GALNT18: variants seen among roughly 807,000 people sequenced by gnomAD.
GALNT18 encodes GalNAc-transferase 18.
Under a neutral mutation model 69.5 loss-of-function variants are expected in GALNT18, and 44 were observed. The ratio of observed to expected loss-of-function variants is 0.63; its 90% CI spans 0.50 to 0.81. The LOEUF (loss-of-function observed/expected upper bound fraction) is 0.81, where lower values mean the gene tolerates loss of function less well. GALNT18 is among the 40% of genes least tolerant of loss of function. GALNT18 has a pLI of 0.00. For missense variants in GALNT18, 715 were observed against 810.0 expected, an observed-to-expected ratio of 0.88 and a Z score of 1.42; for synonymous variants, 364 against 318.2, an observed-to-expected ratio of 1.14 and a Z score of -1.53.
intron 1 of GALNT18, among the ~76,000 whole-genome samples, chr11:11,507,637 C>T (rs149529044): frequency 3.3e-4 from 50 of 152,294 alleles, no homozygotes; most frequent in African/African-American, 1.1e-3. Flanking sequence ...TATTCCCTTT[C>T]TATAGGAGTA....
intron 1 of GALNT18, among the ~76,000 whole-genome samples, chr11:11,450,972 G>A (rs919140653): frequency 2.0e-5 from 3 of 152,104 alleles, no homozygotes; most frequent in Admixed American, 1.3e-4. Flanking sequence ...GCTAAAGTAC[G>A]TGAAGTACAA....
rs570652009 is a variant in GALNT18, at chr11:11,316,903, G to A, written c.1512+10183C>T. Among the ~76,000 whole-genome samples the A allele has an allele frequency of 2.0e-5, 3 of 152,306 alleles. No homozygotes were observed. In the South Asian group the frequency reaches 6.2e-4, roughly 32 times the overall value. On this transcript the variant is annotated intron_variant, in intron 9 of 10. Transcript: ENST00000227756. The stretch of plus-strand genomic sequence containing the variant: ...CCAGGGCAGGGACTTGGGCAAAGCT[G>A]CCTTTTTGTCTTGTAATGCTTGACG...
At chr11:11,394,833 C>T (rs148154757) in intron 3 of GALNT18, among the ~76,000 whole-genome samples, 1,861 of 152,296 alleles carry the variant, frequency 0.012, 119 homozygotes, top group Admixed American at 0.11. Flanking sequence ...TCCCTGGCAC[C>T]GTAATGGGTT....
At position 11,590,340 on chromosome 11, in the gene GALNT18, C is replaced by T. The variant is rs1458317952; in HGVS notation, c.235+31019G>A. ...ACGCAGAAAGCGACAGGGCCCAAGCCTATGTCCTTGGATGGAAGGAAGGCT... is the reference window on the plus strand; with the variant it reads ...ACGCAGAAAGCGACAGGGCCCAAGCTTATGTCCTTGGATGGAAGGAAGGCT... On this transcript the variant is annotated intron_variant, in intron 1 of 10. Coordinates refer to ENST00000227756, the MANE Select transcript of GALNT18 (RefSeq NM_198516.3). The surrounding 1 kb of genome is among the most constrained non-coding windows in gnomAD (Gnocchi z 4.4). 1.3e-5 allele frequency among the ~76,000 whole-genome samples: 2 copies of T among 152,360 alleles called. No homozygotes were observed. Among genetic ancestry groups the T allele is most frequent in the East Asian group, 3.9e-4 (2 of 5,180 alleles).
In GALNT18 at chr11:11,494,870, A is replaced by G. The variant is rs887318423; in HGVS notation, c.236-45934T>C. On this transcript the variant is annotated intron_variant, in intron 1 of 10. Transcript: ENST00000227756. This position sits in a 1 kb window ranked among gnomAD's most constrained non-coding sequence, Gnocchi z 5.7. ...ACAACTCCAACCATGATCATCTGGG[A>G]GTGTTGCAAATCAGATGCCAAATTC... Among the ~76,000 whole-genome samples the G allele has an allele frequency of 6.6e-6, 1 of 152,174 alleles. No homozygotes were observed. The highest frequency in any genetic ancestry group is 1.9e-4 in the East Asian group (1 of 5,192).
intron 1 of GALNT18, among the ~76,000 whole-genome samples, chr11:11,551,591 T>C (rs1257412001): frequency 6.6e-6 from 1 of 152,078 alleles, no homozygotes; most frequent in African/African-American, 2.4e-5. Context: ...CAAAGCAGGG[T>C]GAAGGCTTTG....
In GALNT18 at chr11:11,505,620, C is replaced by T. The variant is rs4910365; in HGVS notation, c.236-56684G>A. 0.13 allele frequency among the ~76,000 whole-genome samples: 19,349 copies of T among 152,132 alleles called. 1,403 individuals are homozygous for T. Among genetic ancestry groups the T allele is most frequent in the Admixed American group, 0.22 (3,314 of 15,282 alleles). The stretch of plus-strand genomic sequence containing the variant: ...TCATCTGGATTCAGTCTCCGACATC[C>T]CAATGAAAGCATTCTCACTAAGATT... On this transcript the variant is annotated intron_variant, in intron 1 of 10. Transcript: ENST00000227756. The surrounding 1 kb of genome is among the most constrained non-coding windows in gnomAD (Gnocchi z 4.6).
At chr11:11,321,841 G>A (rs113514323) in intron 9 of GALNT18, among the ~76,000 whole-genome samples, 3,933 of 152,304 alleles carry the variant, frequency 0.026, 178 homozygotes, top group African/African-American at 0.089. Flanking sequence ...CTGACCTCAG[G>A]TGAACTGCCT....
Position 11,383,704 on chromosome 11 carries a change from A to C in GALNT18, c.596-4440T>G, listed in dbSNP as rs1464336625. Among the ~76,000 whole-genome samples the C allele has an allele frequency of 1.3e-5, 2 of 152,180 alleles. No homozygotes were observed. The highest frequency in any genetic ancestry group is 2.1e-4 in the South Asian group (1 of 4,820). Reference sequence around the variant, plus strand: ...TGTCCCCACCCAAATCTCATCTTGAATTGTAATCCCCATGTGTTAAGGTGA... The same window carrying C: ...TGTCCCCACCCAAATCTCATCTTGACTTGTAATCCCCATGTGTTAAGGTGA... On this transcript the variant is annotated intron_variant, in intron 3 of 10. Coordinates refer to ENST00000227756, the MANE Select transcript of GALNT18 (RefSeq NM_198516.3). This position sits in a 1 kb window ranked among gnomAD's most constrained non-coding sequence, Gnocchi z 5.2.
At chr11:11,609,540 A>G (rs572023822) in intron 1 of GALNT18, among the ~76,000 whole-genome samples, 11 of 152,326 alleles carry the variant, frequency 7.2e-5, no homozygotes, top group African/African-American at 2.6e-4. Flanking sequence ...ACAGGTGCTC[A>G]ATAAACGCTT....
intron 1 of GALNT18, among the ~76,000 whole-genome samples, chr11:11,571,262 T>C (rs534356855): frequency 2.1e-4 from 32 of 152,332 alleles, no homozygotes; most frequent in African/African-American, 7.5e-4. Context: ...GCTGTGTGTA[T>C]AGCTACCTTC....
At chr11:11,528,785 C>T (rs1857576020) in intron 1 of GALNT18, among the ~76,000 whole-genome samples, 1 of 152,204 alleles carries the variant, frequency 6.6e-6, no homozygotes, top group African/African-American at 2.4e-5. Context: ...AAGGAAGAAA[C>T]TGGCAGGACT....
rs987994541 is a variant in GALNT18 at position 11,609,934 on chromosome 11, A to G, written c.235+11425T>C. 3.9e-5 allele frequency among the ~76,000 whole-genome samples: 6 copies of G among 152,254 alleles called. No homozygotes were observed. In the East Asian group the frequency reaches 1.2e-3, roughly 29 times the overall value. ...CATGCCCTGAGCCTAGAGGACCCCC[A>G]AAATAAAGCTGTGGCCTGAGTGAGT... On this transcript the variant is annotated intron_variant, in intron 1 of 10. Transcript: ENST00000227756.
rs1157747693 is a variant in GALNT18, at chr11:11,540,528, A to G, written c.235+80831T>C. On this transcript the variant is annotated intron_variant, in intron 1 of 10. Coordinates refer to ENST00000227756, the MANE Select transcript of GALNT18 (RefSeq NM_198516.3). The surrounding 1 kb of genome is among the most constrained non-coding windows in gnomAD (Gnocchi z 4.6). ...GAAACTTTGGAATCACGGCAATCAT[A>G]TAAGTAATACTGAGGCTGCACTGAG... 2.0e-5 allele frequency among the ~76,000 whole-genome samples: 3 copies of G among 152,170 alleles called. No individual in the cohort carries two copies. Among genetic ancestry groups the G allele is most frequent in the African/African-American group, 4.8e-5 (2 of 41,444 alleles).
At chr11:11,474,794 C>T (rs192260756) in intron 1 of GALNT18, among the ~76,000 whole-genome samples, 71 of 152,270 alleles carry the variant, frequency 4.7e-4, no homozygotes, top group Middle Eastern at 3.4e-3. Context: ...TGCTGCAGTG[C>T]AAACAGGGAC....
chr11:11,354,773 C>G (rs1190082252), intron 6 of GALNT18, among the ~76,000 whole-genome samples: 1 of 152,182 alleles, frequency 6.6e-6, no homozygotes, highest in East Asian at 1.9e-4. Flanking sequence ...CACCTTCACT[C>G]TCATGTGTCT....
intron 1 of GALNT18, among the ~76,000 whole-genome samples, chr11:11,548,014 ACT>A (rs1333556738): frequency 2.6e-5 from 4 of 152,022 alleles, no homozygotes; most frequent in African/African-American, 9.7e-5. Context: ...CTATCTTCTG[ACT>A]CTGAATTCTA....
In GALNT18 at chr11:11,601,159, A is replaced by G. The variant is rs1252143794; in HGVS notation, c.235+20200T>C. ...CCAGGTCCCCTGAAAGACAATTTCTATGATCTGCTTTGATGTCTCTTAAAT... is the reference window on the plus strand; with the variant it reads ...CCAGGTCCCCTGAAAGACAATTTCTGTGATCTGCTTTGATGTCTCTTAAAT... On this transcript the variant is annotated intron_variant, in intron 1 of 10. Transcript: ENST00000227756. The surrounding 1 kb of genome is among the most constrained non-coding windows in gnomAD (Gnocchi z 4.0). Among the ~76,000 whole-genome samples the G allele has an allele frequency of 3.3e-5, 5 of 152,188 alleles. No individual in the cohort carries two copies. Among genetic ancestry groups the G allele is most frequent in the African/African-American group, 9.6e-5 (4 of 41,454 alleles).
chr11:11,560,207 T>C (rs368703288), intron 1 of GALNT18, among the ~76,000 whole-genome samples: 86 of 39,428 alleles, frequency 2.2e-3, no homozygotes, highest in East Asian at 2.7e-3. Flanking sequence ...TGAGATAGAA[T>C]AGAATGGAAT....
Sources: allele counts gnomAD v4.1 joint callset (sites outside exome capture counted in the v4.1 genomes callset), GRCh38; gene constraint gnomAD v4.1.1; non-coding constraint Gnocchi (gnomAD v3.1); transcripts MANE v1.5; gene names NCBI Gene and HGNC (gene_info 2026-07-23, HGNC 2026-07-21).